PIK3C2G: variants seen among roughly 807,000 people sequenced by gnomAD.
PIK3C2G encodes the protein phosphatidylinositol 3-kinase C2 domain-containing subunit gamma.
Under a neutral mutation model 181.1 loss-of-function variants are expected in PIK3C2G, and 168 were observed. The ratio of observed to expected loss-of-function variants is 0.93; its 90% CI spans 0.82 to 1.05. The LOEUF (loss-of-function observed/expected upper bound fraction) is 1.05, where lower values mean the gene tolerates loss of function less well. PIK3C2G is among the 50% of genes least tolerant of loss of function. The probability of loss-of-function intolerance (pLI) is 0.00; values close to 1 mark genes in which losing one functional copy is unlikely to be tolerated. For missense variants in PIK3C2G, 1,869 were observed against 1,732.8 expected, an observed-to-expected ratio of 1.08 and a Z score of -1.40; for synonymous variants, 573 against 592.2, an observed-to-expected ratio of 0.97 and a Z score of 0.47.
At chr12:18,360,431 T>C (rs1941134252) in intron 11 of PIK3C2G, among the ~76,000 whole-genome samples, 1 of 152,184 alleles carries the variant, frequency 6.6e-6, no homozygotes, top group African/African-American at 2.4e-5. Flanking sequence ...CGGTATTCTG[T>C]ATTTGTCTAT....
At chr12:18,279,358 G>C (rs1455064431) in intron 1 of PIK3C2G, among the ~76,000 whole-genome samples, 5 of 151,860 alleles carry the variant, frequency 3.3e-5, no homozygotes, top group Non-Finnish European at 7.4e-5. Context: ...CACAGAGTAG[G>C]TGCTCAAAAA....
intron 1 of PIK3C2G, among the ~76,000 whole-genome samples, chr12:18,279,979 T>C (rs1949142828): frequency 6.6e-6 from 1 of 152,002 alleles, no homozygotes; most frequent in African/African-American, 2.4e-5. Context: ...AATGCCAACA[T>C]AATAAAAATC....
chr12:18,310,267 G>A (rs1450201345), intron 5 of PIK3C2G, among the ~76,000 whole-genome samples: 2 of 151,932 alleles, frequency 1.3e-5, no homozygotes, highest in East Asian at 1.9e-4. Context: ...ATATCAGAAA[G>A]ATGACACAAA....
intron 26 of PIK3C2G, 35 bp from the exon 27 acceptor site, chr12:18,562,668 T>G: frequency 8.1e-7 from 1 of 1,237,858 alleles, no homozygotes; most frequent in Non-Finnish European, 1.2e-6. Flanking sequence ...TGCAGAGGAG[T>G]GTCACTCACT....
At chr12:18,693,528 T>C in the PIK3C2G span, 18 of 1,611,616 alleles carry the variant, frequency 1.1e-5, no homozygotes, top group Non-Finnish European at 1.4e-5. Context: ...TTGAGAGTGG[T>C]TGGCTCTGAA....
chr12:18,338,166 T>G (rs1938730077), intron 8 of PIK3C2G, among the ~76,000 whole-genome samples: 1 of 152,134 alleles, frequency 6.6e-6, no homozygotes. Context: ...CTCTCTCTCA[T>G]TTTGTTTCAA....
chr12:18,581,810 T>C (rs557680428), intron 29 of PIK3C2G, among the ~76,000 whole-genome samples: 69 of 152,240 alleles, frequency 4.5e-4, no homozygotes, highest in African/African-American at 1.4e-3. Context: ...ATAAGATTAC[T>C]TAGGGTGAGA....
intron 19 of PIK3C2G, among the ~76,000 whole-genome samples, chr12:18,491,220 C>A (rs1356611485): frequency 6.6e-6 from 1 of 152,080 alleles, no homozygotes; most frequent in Non-Finnish European, 1.5e-5. Flanking sequence ...AATTTGAGGT[C>A]CTTTAGAAAG....
At chr12:18,692,682 A>G in the PIK3C2G span, 1 of 691,016 alleles carries the variant, frequency 1.4e-6, no homozygotes, top group Non-Finnish European at 2.5e-6. Flanking sequence ...CATTGAAATC[A>G]GTAAAGAACA....
At chr12:18,684,237 T>A in the PIK3C2G span, 2 of 1,610,658 alleles carry the variant, frequency 1.2e-6, no homozygotes, top group Non-Finnish European at 1.7e-6. Flanking sequence ...TTCTGGGACA[T>A]GAATAATAAA....
chr12:18,570,501 T>G (rs1945876985), intron 29 of PIK3C2G, among the ~76,000 whole-genome samples: 1 of 150,330 alleles, frequency 6.7e-6, no homozygotes, highest in Non-Finnish European at 1.5e-5. Flanking sequence ...GATCCCACTG[T>G]GCCCAGCCTG....
intron 12 of PIK3C2G, among the ~76,000 whole-genome samples, chr12:18,369,162 T>A (rs1265832148): frequency 6.6e-6 from 1 of 152,176 alleles, no homozygotes; most frequent in Non-Finnish European, 1.5e-5. Context: ...TCAGGTATCA[T>A]CCCATAAAGA....
chr12:18,292,224 AAAAAT>A lies in PIK3C2G; in HGVS notation c.919+1214_919+1218del, dbSNP rs894401264. ...AAACTCCATCTCAAAAAAAAAAAAA[AAAAAT>A]ATATATATATATATATATATATATA... is the stretch of plus-strand genomic sequence containing the variant. On this transcript the variant is annotated intron_variant, in intron 4 of 32. Coordinates refer to ENST00000538779, the MANE Select transcript of PIK3C2G (RefSeq NM_001288772.2). Among the ~76,000 whole-genome samples the A allele has an allele frequency of 9.5e-5, 10 of 105,804 alleles. No homozygotes were observed. In the East Asian group the frequency reaches 1.3e-3, roughly 14 times the overall value. 69.4% of individuals were successfully genotyped at this position (105,804 alleles called of 152,430 possible). A position where few individuals can be genotyped will look rare whatever the true frequency, so the allele number is the denominator to read the frequency against.
the PIK3C2G span, among the ~76,000 whole-genome samples, chr12:18,690,956 A>T: frequency 9.3e-3 from 1,412 of 152,264 alleles, 23 homozygotes; most frequent in African/African-American, 0.031. Flanking sequence ...ATGCATGATA[A>T]TATTAGCACT....
the PIK3C2G span, chr12:18,701,786 CA>C: frequency 1.3e-6 from 2 of 1,591,012 alleles, no homozygotes; most frequent in Non-Finnish European, 1.7e-6. Context: ...CCTAAGGAAA[CA>C]ATTTGAGAGA....
chr12:18,271,449 C>A (rs77286375), intron 1 of PIK3C2G, among the ~76,000 whole-genome samples: 2 of 152,036 alleles, frequency 1.3e-5, no homozygotes, highest in East Asian at 3.9e-4. Context: ...TAAGAGACTG[C>A]GTTTCCAGCC....
chr12:18,396,044 A>T (rs1452519300), intron 15 of PIK3C2G, among the ~76,000 whole-genome samples: 2 of 151,742 alleles, frequency 1.3e-5, no homozygotes, highest in African/African-American at 4.8e-5. Context: ...TTAGGTAATC[A>T]TATCAATAAG....
Position 18,431,521 on chromosome 12 carries a change from GT to G in PIK3C2G, c.2504+7486del, listed in dbSNP as rs1222392257. Reference sequence around the variant, plus strand: ...AAGTCTGTGTGCTCCCATTCTGTCAGTTTTAAATACTGATAAAGGCTTACAA... The same window carrying G: ...AAGTCTGTGTGCTCCCATTCTGTCAGTTTAAATACTGATAAAGGCTTACAA... On this transcript the variant is annotated intron_variant, in intron 18 of 32. Coordinates refer to ENST00000538779, the MANE Select transcript of PIK3C2G (RefSeq NM_001288772.2). 5.9e-5 allele frequency among the ~76,000 whole-genome samples: 9 copies of G among 152,308 alleles called. No individual in the cohort carries two copies. The East Asian group carries it at 1.7e-3, about 29-fold the overall frequency.
the PIK3C2G span, among the ~76,000 whole-genome samples, chr12:18,668,064 C>T: frequency 3.3e-4 from 51 of 152,296 alleles, no homozygotes; most frequent in African/African-American, 1.2e-3. Context: ...CAAAGTTCGT[C>T]TCCACTTAGC....
Sources: allele counts gnomAD v4.1 joint callset (sites outside exome capture counted in the v4.1 genomes callset), GRCh38; gene constraint gnomAD v4.1.1; transcripts MANE v1.5; gene names NCBI Gene and HGNC (gene_info 2026-07-23, HGNC 2026-07-21).